RAD51B: variants seen among roughly 807,000 people sequenced by gnomAD.
RAD51B encodes the protein DNA repair protein RAD51 homolog 2.
In RAD51B, 38 loss-of-function variants were observed where a neutral mutation model predicts 42.2. That is an observed-to-expected ratio of 0.90 (90% CI 0.70 to 1.18). The LOEUF (loss-of-function observed/expected upper bound fraction) is 1.18, where lower values mean the gene tolerates loss of function less well. Among genes scored for constraint, RAD51B ranks in the 50% most tolerant of loss-of-function variants. RAD51B has a pLI of 0.00. For synonymous variants in RAD51B, 154 were observed against 145.2 expected, an observed-to-expected ratio of 1.06 and a Z score of -0.43; for missense variants, 373 against 400.7, an observed-to-expected ratio of 0.93 and a Z score of 0.59.
intron 7 of RAD51B, among the ~76,000 whole-genome samples, chr14:67,977,291 A>G (rs1285996514): frequency 6.6e-6 from 1 of 152,194 alleles, no homozygotes; most frequent in East Asian, 1.9e-4. Context: ...TATGTAAAAA[A>G]TCCTTTTTGA....
intron 7 of RAD51B, among the ~76,000 whole-genome samples, chr14:68,049,544 A>G (rs2076359494): frequency 6.6e-6 from 1 of 152,118 alleles, no homozygotes; most frequent in African/African-American, 2.4e-5. Flanking sequence ...GCTAACACCC[A>G]AGGCCTCTCC....
chr14:67,868,355 C>T (rs1357578018), intron 5 of RAD51B, among the ~76,000 whole-genome samples: 1 of 152,242 alleles, frequency 6.6e-6, no homozygotes, highest in Non-Finnish European at 1.5e-5. Flanking sequence ...GTCACTCCCA[C>T]CCGAATACTG....
intron 7 of RAD51B, among the ~76,000 whole-genome samples, chr14:68,053,931 A>G (rs2076433671): frequency 6.6e-6 from 1 of 152,178 alleles, no homozygotes; most frequent in African/African-American, 2.4e-5. Flanking sequence ...AATAATCCCT[A>G]TTTAGGCTGA....
chr14:68,577,586 T>TC (rs1890020629), intron 10 of RAD51B, among the ~76,000 whole-genome samples: 1 of 151,688 alleles, frequency 6.6e-6, no homozygotes, highest in Non-Finnish European at 1.5e-5. Context: ...TTCAACATGC[T>TC]CCCTTCACTT....
intron 10 of RAD51B, among the ~76,000 whole-genome samples, chr14:68,492,541 C>T (rs539157776): frequency 6.6e-5 from 10 of 152,184 alleles, no homozygotes; most frequent in Non-Finnish European, 1.0e-4. Flanking sequence ...TATCTCTCTA[C>T]GAGCAAGTGC....
chr14:68,314,460 C>T (rs1274168856), intron 8 of RAD51B, among the ~76,000 whole-genome samples: 1 of 152,178 alleles, frequency 6.6e-6, no homozygotes, highest in Non-Finnish European at 1.5e-5. Context: ...AAATGCTTGC[C>T]TCTTTTCAGC....
chr14:67,820,800 C>A (rs531045061), intron 1 of RAD51B, among the ~76,000 whole-genome samples: 2 of 152,032 alleles, frequency 1.3e-5, no homozygotes, highest in Non-Finnish European at 2.9e-5. Context: ...CTATGTGCCA[C>A]GCACTCCCCG....
At chr14:68,629,246 C>CT (rs1286036884) in intron 10 of RAD51B, among the ~76,000 whole-genome samples, 1 of 152,232 alleles carries the variant, frequency 6.6e-6, no homozygotes, top group Non-Finnish European at 1.5e-5. Context: ...CCTTGTCTTG[C>CT]TGGCATTCAT....
intron 7 of RAD51B, among the ~76,000 whole-genome samples, chr14:68,084,258 G>A (rs1032349971): frequency 6.6e-6 from 1 of 152,148 alleles, no homozygotes; most frequent in African/African-American, 2.4e-5. Flanking sequence ...ATTTTACAGA[G>A]GAAGTTAACA....
intron 7 of RAD51B, among the ~76,000 whole-genome samples, chr14:67,893,509 C>A (rs4363798): frequency 0.49 from 39,851 of 81,462 alleles, 8,042 homozygotes; most frequent in Middle Eastern, 0.58. Context: ...CACACACACA[C>A]AAAAAAAAAC....
intron 7 of RAD51B, among the ~76,000 whole-genome samples, chr14:67,890,744 A>G (rs922359638): frequency 1.7e-4 from 26 of 151,926 alleles, no homozygotes; most frequent in Non-Finnish European, 3.1e-4. Flanking sequence ...TGAAAGTACA[A>G]TTAAGGTTTA....
intron 9 of RAD51B, among the ~76,000 whole-genome samples, chr14:68,452,263 G>A (rs2085575788): frequency 6.6e-6 from 1 of 152,138 alleles, no homozygotes; most frequent in Non-Finnish European, 1.5e-5. Flanking sequence ...CCTTGCGACA[G>A]TATTTGTTTG....
intron 7 of RAD51B, among the ~76,000 whole-genome samples, chr14:68,244,240 C>T (rs2080449022): frequency 6.6e-6 from 1 of 152,106 alleles, no homozygotes; most frequent in South Asian, 2.1e-4. Context: ...TCACTGAAGT[C>T]TGATTTGGGT....
At chr14:68,161,032 CGTT>C (rs1053149486) in intron 7 of RAD51B, among the ~76,000 whole-genome samples, 1 of 152,112 alleles carries the variant, frequency 6.6e-6, no homozygotes, top group African/African-American at 2.4e-5. Flanking sequence ...GCTCTTATAT[CGTT>C]GTGTTTGTTT....
chr14:68,087,957 A>T (rs941038135), intron 7 of RAD51B, among the ~76,000 whole-genome samples: 3 of 114,624 alleles, frequency 2.6e-5, no homozygotes, highest in Non-Finnish European at 4.8e-5. Context: ...ATATATAATT[A>T]TATAATTTAT....
intron 10 of RAD51B, among the ~76,000 whole-genome samples, chr14:68,471,864 G>A (rs1223369646): frequency 6.6e-6 from 1 of 152,108 alleles, no homozygotes; most frequent in African/African-American, 2.4e-5. Context: ...GAAATACTTA[G>A]GCCCCAAAGG....
chr14:67,865,053 C>T lies in RAD51B; in HGVS notation c.366C>T (p.Ser122=), dbSNP rs140846027. 58 of 1,402,336 alleles carry T rather than the reference C, an allele frequency of 4.1e-5. No individual in the cohort carries two copies. The highest frequency in any genetic ancestry group is 5.1e-5 in the Non-Finnish European group (54 of 1,055,702). 86.9% of individuals were successfully genotyped at this position (1,402,336 alleles called of 1,614,324 possible). A position where few individuals can be genotyped will look rare whatever the true frequency, so the allele number is the denominator to read the frequency against. The change falls in exon 5 of 11, where the codon AGC becomes AGT. Residue 122 remains serine, a synonymous_variant. Coordinates refer to ENST00000471583, the MANE Select transcript of RAD51B (RefSeq NM_133510.4). ...AAACTCAGTTTTGTATAATGATGAG[C>T]ATTTTGGCTACATTACCCACCAACA... ...CGKTQFCIMM[S]ILATLPTNMG... is the part of the protein sequence containing the mutation.
intron 9 of RAD51B, among the ~76,000 whole-genome samples, chr14:68,451,517 G>A (rs760892677): frequency 2.6e-5 from 4 of 152,116 alleles, no homozygotes; most frequent in Non-Finnish European, 4.4e-5. Context: ...AACTAATTTC[G>A]TTTGTGCTTA....
intron 7 of RAD51B, among the ~76,000 whole-genome samples, chr14:68,229,514 T>C (rs770213188): frequency 6.6e-6 from 1 of 152,200 alleles, no homozygotes; most frequent in Non-Finnish European, 1.5e-5. Flanking sequence ...GAATTTGCCA[T>C]TGTCAATGTC....
Sources: gnomAD v4.1 joint callset for allele counts (sites outside exome capture counted in the v4.1 genomes callset) on GRCh38, gnomAD v4.1.1 for gene constraint, MANE v1.5 for transcripts, NCBI Gene and HGNC (gene_info 2026-07-23, HGNC 2026-07-21) for gene names.